The following ABHD2 variants were observed in gnomAD, a reference collection of about 807,000 sequenced individuals.
ABHD2 encodes the protein abhydrolase domain containing 2, acylglycerol lipase.
A neutral mutation model predicts 48.1 loss-of-function variants in ABHD2; 20 were observed. That is an observed-to-expected ratio of 0.42 (90% CI 0.29 to 0.60). The LOEUF (loss-of-function observed/expected upper bound fraction) is 0.60, where lower values mean the gene tolerates loss of function less well. ABHD2 is among the 20% of genes least tolerant of loss of function. ABHD2 has a pLI of 0.24. For synonymous variants in ABHD2, 209 were observed against 214.2 expected (o/e 0.98, Z 0.21); for missense variants, 405 against 550.9 (o/e 0.74, Z 2.65).
chr15:89,116,324 C>A lies in ABHD2; in HGVS notation c.-4C>A, dbSNP rs749914505. 2 of 1,612,394 alleles carry A rather than the reference C, an allele frequency of 1.2e-6. No individual in the cohort carries two copies. Among genetic ancestry groups the A allele is most frequent in the Non-Finnish European group, 1.7e-6 (2 of 1,178,986 alleles). Reference sequence around the variant, plus strand: ...AGACCTGTGCCTCTGCTCCCCAGATCAAGATGAATGCCATGCTGGAGACTC... The same window carrying A: ...AGACCTGTGCCTCTGCTCCCCAGATAAAGATGAATGCCATGCTGGAGACTC... On this transcript the variant is annotated splice_region_variant and 5_prime_UTR_variant, in exon 3 of 11. Coordinates refer to ENST00000352732, the MANE Select transcript of ABHD2 (RefSeq NM_152924.5). The surrounding 1 kb of genome is among the most constrained non-coding windows in gnomAD (Gnocchi z 4.6).
Position 89,175,777 on chromosome 15 carries a change from G to C in ABHD2, c.539-35G>C, listed in dbSNP as rs1169071790. ...CATTTTCTCCAGATAGGATGCACCTGAAATGATTGAGCAATCTCACCCTTT... is the reference window on the plus strand; with the variant it reads ...CATTTTCTCCAGATAGGATGCACCTCAAATGATTGAGCAATCTCACCCTTT... On this transcript the variant is annotated intron_variant, in intron 5 of 10. Transcript: ENST00000352732. This position sits in a 1 kb window ranked among gnomAD's most constrained non-coding sequence, Gnocchi z 5.7. The C allele has an allele frequency of 6.2e-7, 1 of 1,613,176 alleles. No individual in the cohort carries two copies. Among genetic ancestry groups the C allele is most frequent in the Non-Finnish European group, 8.5e-7 (1 of 1,179,604 alleles).
intron 1 of ABHD2, among the ~76,000 whole-genome samples, chr15:89,105,436 G>A (rs1359140998): frequency 6.6e-6 from 1 of 152,230 alleles, no homozygotes; most frequent in African/African-American, 2.4e-5. Context: ...AGCAGATTGA[G>A]TGTGTGACCT....
chr15:89,147,648 C>T (rs1268256050), intron 3 of ABHD2, among the ~76,000 whole-genome samples: 1 of 151,490 alleles, frequency 6.6e-6, no homozygotes, highest in Non-Finnish European at 1.5e-5. Flanking sequence ...CCACTGCGCC[C>T]GGCTGCATAG....
chr15:89,050,123 C>T, the ABHD2 span, among the ~76,000 whole-genome samples: 1 of 152,192 alleles, frequency 6.6e-6, no homozygotes, highest in African/African-American at 2.4e-5. Flanking sequence ...ACAAAGGGTT[C>T]ATCCACCCAG....
intron 3 of ABHD2, among the ~76,000 whole-genome samples, chr15:89,117,118 C>G (rs145099723): frequency 1.3e-5 from 2 of 152,140 alleles, no homozygotes; most frequent in African/African-American, 4.8e-5. Flanking sequence ...CTCCACCTCC[C>G]GGGTTCAAGC....
chr15:89,185,373 C>T lies in ABHD2; in HGVS notation c.723-51C>T, dbSNP rs547465260. ...ATGGCTAGAGCCCCCTCCTGGCTGC[C>T]CGCCTGCACCCCCACACCGCAGTCA... is the stretch of plus-strand genomic sequence containing the variant. On this transcript the variant is annotated intron_variant, in intron 6 of 10. Transcript: ENST00000352732. This position sits in a 1 kb window ranked among gnomAD's most constrained non-coding sequence, Gnocchi z 5.9. The T allele has an allele frequency of 9.9e-6, 15 of 1,520,862 alleles. No homozygotes were observed. Among genetic ancestry groups the T allele is most frequent in the African/African-American group, 5.5e-5 (4 of 72,844 alleles). The allele number at this position is 1,520,862 out of a possible 1,614,324, so 94.2% of individuals were successfully genotyped here. A position where few individuals can be genotyped will look rare whatever the true frequency, so the allele number is the denominator to read the frequency against.
Position 89,201,237 on chromosome 15 carries a change from G to A in ABHD2, c.*5814G>A. ...AGCCTTAAACCTTCATCTCTCAGGT[G>A]TTGATTTGCTTCTGATAGCTTCATC... On this transcript the variant is annotated 3_prime_UTR_variant, in exon 11 of 11. Transcript: ENST00000352732. The A allele has an allele frequency of 1.5e-6, 2 of 1,366,470 alleles. No individual in the cohort carries two copies. Among genetic ancestry groups the A allele is most frequent in the Non-Finnish European group, 2.1e-6 (2 of 968,198 alleles). 84.6% of individuals were successfully genotyped at this position (1,366,470 alleles called of 1,614,324 possible). A position where few individuals can be genotyped will look rare whatever the true frequency, so the allele number is the denominator to read the frequency against.
chr15:89,151,820 T>G lies in ABHD2; in HGVS notation c.338T>G (p.Leu113Arg), dbSNP rs769206929. 2.5e-6 allele frequency: 4 copies of G among 1,614,208 alleles called. No individual in the cohort carries two copies. Among genetic ancestry groups the G allele is most frequent in the Non-Finnish European group, 3.4e-6 (4 of 1,180,030 alleles). ...MSDGATSTFD[L>R]FEPLAEHCVG... is the part of the protein sequence containing the mutation. ...GATGGAGCCACTTCTACATTCGACCTCTTCGAGCCCTTGGCTGAGCACTGT... is the reference window on the plus strand; with the variant it reads ...GATGGAGCCACTTCTACATTCGACCGCTTCGAGCCCTTGGCTGAGCACTGT... Residue 113 changes from leucine (L) to arginine (R), a missense_variant, in exon 4 of 11, where the codon CTC becomes CGC. By Grantham distance (102) the Leu-to-Arg change is moderately radical. Coordinates refer to ENST00000352732, the MANE Select transcript of ABHD2 (RefSeq NM_152924.5). The surrounding 1 kb of genome is among the most constrained non-coding windows in gnomAD (Gnocchi z 4.7).
chr15:89,045,080 TATA>T, the ABHD2 span, among the ~76,000 whole-genome samples: 1 of 152,222 alleles, frequency 6.6e-6, no homozygotes, highest in African/African-American at 2.4e-5. Flanking sequence ...TTGATTTTTG[TATA>T]AGGTGTAAGG....
At chr15:89,098,198 A>G (rs1270864650) in intron 1 of ABHD2, among the ~76,000 whole-genome samples, 1 of 152,206 alleles carries the variant, frequency 6.6e-6, no homozygotes, top group Non-Finnish European at 1.5e-5. Flanking sequence ...GCAAATTTCT[A>G]CATATATTGT....
chr15:89,192,364 C>G (rs2051321002), intron 9 of ABHD2, among the ~76,000 whole-genome samples: 1 of 152,196 alleles, frequency 6.6e-6, no homozygotes, highest in Non-Finnish European at 1.5e-5. Context: ...ACATCTGAGT[C>G]TCCCTATCAG....
At chr15:89,128,899 G>C (rs1156272254) in intron 3 of ABHD2, among the ~76,000 whole-genome samples, 1 of 152,096 alleles carries the variant, frequency 6.6e-6, no homozygotes, top group African/African-American at 2.4e-5. Context: ...AGGGAAGGAT[G>C]GGACAAATTC....
Position 89,116,349 on chromosome 15 carries a change from C to T in ABHD2, c.22C>T (p.Pro8Ser), listed in dbSNP as rs1186567492. 1.9e-6 allele frequency: 3 copies of T among 1,613,922 alleles called. No homozygotes were observed. Among genetic ancestry groups the T allele is most frequent in the South Asian group, 1.1e-5 (1 of 91,072 alleles). ...CAAGATGAATGCCATGCTGGAGACT[C>T]CCGAACTCCCAGCCGTGTTTGATGG... The part of the protein sequence containing the change: MNAMLET[P>S]ELPAVFDGVK... The change falls in exon 3 of 11, where the codon CCC becomes TCC. Residue 8 changes from proline to serine, a missense_variant. Transcript: ENST00000352732. The surrounding 1 kb of genome is among the most constrained non-coding windows in gnomAD (Gnocchi z 4.6).
upstream of ABHD2, among the ~76,000 whole-genome samples, chr15:89,083,818 GT>G (rs1188001511): frequency 2.0e-5 from 3 of 152,116 alleles, no homozygotes; most frequent in African/African-American, 7.2e-5. The surrounding 1 kb of genome is among the most constrained non-coding windows in gnomAD (Gnocchi z 5.1). Context: ...TTTCATCATA[GT>G]TTGTCCTCAT....
chr15:89,193,143 A>G lies in ABHD2; in HGVS notation c.997-92A>G, dbSNP rs77521962. 6.0e-4 allele frequency: 775 copies of G among 1,291,302 alleles called. 4 individuals are homozygous for G. The highest frequency in any genetic ancestry group is 4.8e-3 in the Middle Eastern group (26 of 5,394). The allele number at this position is 1,291,302 out of a possible 1,614,324, so 80.0% of individuals were successfully genotyped here. ...CTGTGACCCTCTTCCCTTTGCTTCA[A>G]AAACATGTCCAGCAGTGAGTTTGAG... is the stretch of plus-strand genomic sequence containing the variant. On this transcript the variant is annotated intron_variant, in intron 9 of 10. Transcript: ENST00000352732.
chr15:89,144,086 TCACAG>T (rs1375570116), intron 3 of ABHD2, among the ~76,000 whole-genome samples: 1 of 152,202 alleles, frequency 6.6e-6, no homozygotes, highest in African/African-American at 2.4e-5. Flanking sequence ...ACATAAATGC[TCACAG>T]CAGTGCTATT....
Position 89,197,172 on chromosome 15 carries a change from G to T in ABHD2, c.*1749G>T, listed in dbSNP as rs1191892788. On this transcript the variant is annotated 3_prime_UTR_variant, in exon 11 of 11. Coordinates refer to ENST00000352732, the MANE Select transcript of ABHD2 (RefSeq NM_152924.5). This position sits in a 1 kb window ranked among gnomAD's most constrained non-coding sequence, Gnocchi z 4.4. ...CATGGGTCCAGGTCTGTAACCTGAA[G>T]AAGTTGTTTTCTGACAATCACCAAA... 2.6e-5 allele frequency: 4 copies of T among 152,662 alleles called. No homozygotes were observed. Among genetic ancestry groups the T allele is most frequent in the Non-Finnish European group, 5.9e-5 (4 of 68,060 alleles). 9.5% of individuals were successfully genotyped at this position (152,662 alleles called of 1,614,324 possible).
At position 89,098,781 on chromosome 15, in the gene ABHD2, T is replaced by C. The variant is rs79676345; in HGVS notation, c.-107+10218T>C. The stretch of plus-strand genomic sequence containing the variant: ...CTATCATTAATATCACCCATCAGTC[T>C]ATTTATTGACTCTACATATAAATTC... On this transcript the variant is annotated intron_variant, in intron 1 of 10. Transcript: ENST00000352732. 2.3e-3 allele frequency among the ~76,000 whole-genome samples: 343 copies of C among 152,350 alleles called. 2 individuals carry two copies. Among genetic ancestry groups the C allele is most frequent in the South Asian group, 7.9e-3 (38 of 4,830 alleles).
Position 89,151,704 on chromosome 15 carries a change from A to T in ABHD2, c.222A>T (p.Lys74Asn). 1 of 1,614,168 alleles carries T rather than the reference A, an allele frequency of 6.2e-7. No individual in the cohort carries two copies. The highest frequency in any genetic ancestry group is 2.2e-5 in the East Asian group (1 of 44,880). ...ACATTCCACCGTTGATCTGGGGGAA[A>T]AGTGGACACATCCAGACAGCCTTGT... ...KEYIPPLIWGKSGHIQTALYG... is the reference protein window; with the variant it reads ...KEYIPPLIWGNSGHIQTALYG... The change falls in exon 4 of 11, where the codon AAA becomes AAT. Residue 74 changes from lysine (K) to asparagine (N), a missense_variant. Physicochemically the swap from Lys to Asn is moderately conservative, Grantham distance 94 (BLOSUM62 0). Coordinates refer to ENST00000352732, the MANE Select transcript of ABHD2 (RefSeq NM_152924.5). This position sits in a 1 kb window ranked among gnomAD's most constrained non-coding sequence, Gnocchi z 4.7.
Sources: gnomAD v4.1 joint callset for allele counts (sites outside exome capture counted in the v4.1 genomes callset) on GRCh38, gnomAD v4.1.1 for gene constraint, Gnocchi (gnomAD v3.1) non-coding constraint, MANE v1.5 for transcripts, NCBI Gene and HGNC (gene_info 2026-07-23, HGNC 2026-07-21) for gene names.